Variants in PTGER4 observed in about 807,000 individuals in gnomAD.
PTGER4 encodes the protein prostaglandin E2 receptor EP4 subtype.
A neutral mutation model predicts 33.2 loss-of-function variants in PTGER4; 11 were observed. The observed-to-expected ratio is 0.33, with a 90% CI of 0.21 to 0.55. PTGER4 has a LOEUF of 0.55. PTGER4 is among the 20% of genes least tolerant of loss of function. The pLI, the probability that PTGER4 is intolerant of heterozygous loss-of-function variation, is 0.92. For synonymous variants in PTGER4, 275 were observed against 281.5 expected, an observed-to-expected ratio of 0.98 and a Z score of 0.23; for missense variants, 481 against 650.2, an observed-to-expected ratio of 0.74 and a Z score of 2.83.
At chr5:40,709,680 C>A in the PTGER4 span, among the ~76,000 whole-genome samples, 3 of 152,142 alleles carry the variant, frequency 2.0e-5, no homozygotes, top group South Asian at 2.1e-4. Context: ...TTGGAAAAAA[C>A]TACTTTAAAG....
chr5:40,727,789 AT>A, the PTGER4 span, among the ~76,000 whole-genome samples: 2 of 152,136 alleles, frequency 1.3e-5, no homozygotes, highest in African/African-American at 2.4e-5. Flanking sequence ...TTTATGTTAA[AT>A]TTTTTTTAAT....
chr5:40,718,347 A>T, the PTGER4 span, among the ~76,000 whole-genome samples: 1 of 152,192 alleles, frequency 6.6e-6, no homozygotes, highest in African/African-American at 2.4e-5. Flanking sequence ...CAGAGGTTAC[A>T]GTGAGCCAAG....
chr5:40,693,234 C>T lies in PTGER4; in HGVS notation c.*856C>T. 1 of 984,004 alleles carries T rather than the reference C, an allele frequency of 1.0e-6. No homozygotes were observed. The highest frequency in any genetic ancestry group is 4.7e-5 in the South Asian group (1 of 21,244). The allele number at this position is 984,004 out of a possible 1,614,324, so 61.0% of individuals were successfully genotyped here. On this transcript the variant is annotated 3_prime_UTR_variant, in exon 3 of 3. Coordinates refer to ENST00000302472, the MANE Select transcript of PTGER4 (RefSeq NM_000958.3). Reference sequence around the variant, plus strand: ...GGTGAATATTTTCAACTTTTTCCCTCACTAATTGGTACTTTTAAAAACATA... The same window carrying T: ...GGTGAATATTTTCAACTTTTTCCCTTACTAATTGGTACTTTTAAAAACATA...
At chr5:40,710,855 CT>C in the PTGER4 span, among the ~76,000 whole-genome samples, 1 of 152,146 alleles carries the variant, frequency 6.6e-6, no homozygotes, top group African/African-American at 2.4e-5. Flanking sequence ...CATGTTCTCA[CT>C]CATAGGTGGG....
At chr5:40,706,957 T>A in the PTGER4 span, among the ~76,000 whole-genome samples, 1 of 152,022 alleles carries the variant, frequency 6.6e-6, no homozygotes, top group Non-Finnish European at 1.5e-5. Context: ...AGAAATAAAA[T>A]CCTTTCCAGA....
At chr5:40,725,182 C>G in the PTGER4 span, among the ~76,000 whole-genome samples, 38 of 142,856 alleles carry the variant, frequency 2.7e-4, 1 homozygote, top group South Asian at 8.4e-3. Context: ...AATATAGGAT[C>G]TTGCCATGCT....
chr5:40,706,611 T>TC, the PTGER4 span, among the ~76,000 whole-genome samples: 14 of 77,540 alleles, frequency 1.8e-4, no homozygotes, highest in South Asian at 6.2e-3. Flanking sequence ...CTATAAAACT[T>TC]CAGCACAAAG....
the PTGER4 span, among the ~76,000 whole-genome samples, chr5:40,745,100 C>T: frequency 6.6e-6 from 1 of 152,122 alleles, no homozygotes; most frequent in South Asian, 2.1e-4. Context: ...TAGTCAGTGT[C>T]ATGGGGGATA....
At chr5:40,684,446 A>C (rs1741278772) in intron 2 of PTGER4, among the ~76,000 whole-genome samples, 1 of 152,176 alleles carries the variant, frequency 6.6e-6, no homozygotes, top group Non-Finnish European at 1.5e-5. Context: ...AGAAAGCTTG[A>C]TATAATACCT....
chr5:40,735,603 T>C, the PTGER4 span, among the ~76,000 whole-genome samples: 2 of 152,038 alleles, frequency 1.3e-5, no homozygotes, highest in Non-Finnish European at 2.9e-5. Flanking sequence ...GAAGAATAAA[T>C]ACAAGGTCTA....
chr5:40,685,560 G>T lies in PTGER4; in HGVS notation c.867+3700G>T, dbSNP rs975140922. On this transcript the variant is annotated intron_variant, in intron 2 of 2. Transcript: ENST00000302472. ...TAAGTTTAAAAAATTGCAATGCCTA[G>T]AAGGAAGTTTTAAATCATAACATGC... The T allele has an allele frequency of 4.9e-6, 3 of 617,224 alleles. 1 individual carries two copies. The highest frequency in any genetic ancestry group is 2.0e-6 in the Non-Finnish European group (1 of 493,934). 38.2% of individuals were successfully genotyped at this position (617,224 alleles called of 1,614,324 possible). A position where few individuals can be genotyped will look rare whatever the true frequency, so the allele number is the denominator to read the frequency against.
Position 40,693,241 on chromosome 5 carries a change from T to C in PTGER4, c.*863T>C. 1 of 983,754 alleles carries C rather than the reference T, an allele frequency of 1.0e-6. No individual in the cohort carries two copies. The highest frequency in any genetic ancestry group is 1.2e-6 in the Non-Finnish European group (1 of 828,030). 60.9% of individuals were successfully genotyped at this position (983,754 alleles called of 1,614,324 possible). ...ATTTTCAACTTTTTCCCTCACTAAT[T>C]GGTACTTTTAAAAACATAACATAAA... On this transcript the variant is annotated 3_prime_UTR_variant, in exon 3 of 3. Transcript: ENST00000302472.
At chr5:40,723,128 C>A in the PTGER4 span, among the ~76,000 whole-genome samples, 2 of 152,062 alleles carry the variant, frequency 1.3e-5, no homozygotes, top group African/African-American at 4.8e-5. Flanking sequence ...TAATCTATAA[C>A]CTTACCCCCA....
At chr5:40,722,014 A>T in the PTGER4 span, among the ~76,000 whole-genome samples, 3 of 152,228 alleles carry the variant, frequency 2.0e-5, 1 homozygote, top group African/African-American at 7.2e-5. Flanking sequence ...GCTAACAGGT[A>T]TATGAAAAGA....
At chr5:40,705,535 G>A in the PTGER4 span, among the ~76,000 whole-genome samples, 4 of 152,122 alleles carry the variant, frequency 2.6e-5, no homozygotes, top group South Asian at 8.3e-4. Context: ...AGAGTAAATA[G>A]ACAACCTAAA....
chr5:40,694,781 T>C (rs1488467502), downstream of PTGER4, among the ~76,000 whole-genome samples: 1 of 152,248 alleles, frequency 6.6e-6, no homozygotes, highest in Non-Finnish European at 1.5e-5. Context: ...CTTTTCATTG[T>C]TGAGCCTGAT....
chr5:40,718,667 G>A, the PTGER4 span, among the ~76,000 whole-genome samples: 3 of 152,168 alleles, frequency 2.0e-5, no homozygotes, highest in Non-Finnish European at 4.4e-5. Context: ...GAACCCAGGA[G>A]GCAGAGGTTG....
chr5:40,699,190 G>T, the PTGER4 span, among the ~76,000 whole-genome samples: 2 of 119,882 alleles, frequency 1.7e-5, no homozygotes, highest in East Asian at 2.2e-4. Context: ...TTAAAGATAA[G>T]TTGGAAAAAA....
chr5:40,732,785 T>C, the PTGER4 span, among the ~76,000 whole-genome samples: 10 of 152,090 alleles, frequency 6.6e-5, no homozygotes, highest in South Asian at 2.1e-4. Flanking sequence ...ATTTTTGTTT[T>C]TTCGTAGAGA....
Sources: allele counts gnomAD v4.1 joint callset (sites outside exome capture counted in the v4.1 genomes callset), GRCh38; gene constraint gnomAD v4.1.1; transcripts MANE v1.5; gene names NCBI Gene and HGNC (gene_info 2026-07-23, HGNC 2026-07-21).